The following SMAD2 variants were observed in gnomAD, a reference collection of about 807,000 sequenced individuals.
The protein encoded by SMAD2 is MAD homolog 2.
In SMAD2, 8 loss-of-function variants were observed where a neutral mutation model predicts 64.4. The ratio of observed to expected loss-of-function variants is 0.12; its 90% CI spans 0.07 to 0.22. SMAD2 has a LOEUF of 0.22. Ranked by LOEUF, SMAD2 falls within the 10% of genes least tolerant of loss-of-function variation. The pLI, the probability that SMAD2 is intolerant of heterozygous loss-of-function variation, is 1.00. For missense variants in SMAD2, 289 were observed against 561.2 expected (o/e 0.51, Z 4.90); for synonymous variants, 203 against 195.8 (o/e 1.04, Z -0.31).
At chr18:47,930,754 C>T (rs2034985127), upstream of SMAD2, 1 of 147,190 alleles carries the variant, frequency 6.8e-6, no homozygotes, top group Admixed American at 6.7e-5. Context: ...CCTCCGCTTC[C>T]GCCCTCCGCC....
At chr18:47,928,568 C>A (rs2034861235) in intron 1 of SMAD2, among the ~76,000 whole-genome samples, 1 of 152,112 alleles carries the variant, frequency 6.6e-6, no homozygotes, top group Admixed American at 6.5e-5. Flanking sequence ...AAACACATAC[C>A]AAGCCTGATA....
At position 47,834,931 on chromosome 18, in the gene SMAD2, A is replaced by C. The variant is rs1450055826; in HGVS notation, c.*6896T>G. ...GCTGGAGACACAGCCCTCCGATTAC[A>C]AAGGCCCAGAATGTTACTTTTAACT... On this transcript the variant is annotated 3_prime_UTR_variant, in exon 11 of 11. Coordinates refer to ENST00000262160, the MANE Select transcript of SMAD2 (RefSeq NM_005901.6). 4.5e-6 allele frequency: 1 copy of C among 223,180 alleles called. No homozygotes were observed. The highest frequency in any genetic ancestry group is 6.4e-5 in the East Asian group (1 of 15,508). The allele number at this position is 223,180 out of a possible 1,614,324, so 13.8% of individuals were successfully genotyped here. A position where few individuals can be genotyped will look rare whatever the true frequency, so the allele number is the denominator to read the frequency against.
Position 47,851,437 on chromosome 18 carries a change from T to C in SMAD2, c.731-110A>G, listed in dbSNP as rs1255208222. On this transcript the variant is annotated intron_variant, in intron 6 of 10. Coordinates refer to ENST00000262160, the MANE Select transcript of SMAD2 (RefSeq NM_005901.6). Reference sequence around the variant, plus strand: ...ATTATCAACAATAATACAAAGATAATTTAAATACCAAGAATTCAGAATATG... The same window carrying C: ...ATTATCAACAATAATACAAAGATAACTTAAATACCAAGAATTCAGAATATG... 12 of 674,616 alleles carry C rather than the reference T, an allele frequency of 1.8e-5. No individual in the cohort carries two copies. In the African/African-American group the frequency reaches 2.1e-4, roughly 12 times the overall value. 41.8% of individuals were successfully genotyped at this position (674,616 alleles called of 1,614,324 possible).
chr18:47,865,215 A>C (rs531320333), intron 5 of SMAD2, 82 bp from the exon 6 acceptor site: 26 of 748,618 alleles, frequency 3.5e-5, no homozygotes, highest in South Asian at 3.4e-4. Flanking sequence ...ATAACCAATG[A>C]ATCACTCCAA....
rs903567459 is a variant in SMAD2 at position 47,840,127 on chromosome 18, T to C, written c.*1700A>G. The C allele has an allele frequency of 3.9e-5, 9 of 233,004 alleles. No individual in the cohort carries two copies. The highest frequency in any genetic ancestry group is 6.8e-5 in the Non-Finnish European group (8 of 117,948). The allele number at this position is 233,004 out of a possible 1,614,324, so 14.4% of individuals were successfully genotyped here. On this transcript the variant is annotated 3_prime_UTR_variant, in exon 11 of 11. Coordinates refer to ENST00000262160, the MANE Select transcript of SMAD2 (RefSeq NM_005901.6). ...ACTATACCAAATTTACATGAACACA[T>C]ACATATACACACAAATATAGGAAAA... is the stretch of plus-strand genomic sequence containing the variant.
rs1439762573 is a variant in SMAD2, at chr18:47,831,930, A to G, written c.*9897T>C. The stretch of plus-strand genomic sequence containing the variant: ...TTAGGTTGGGCTTACTATTTTGATG[A>G]GAAGGGTGAATCTGTCAAAGGGTAA... On this transcript the variant is annotated 3_prime_UTR_variant, in exon 11 of 11. Coordinates refer to ENST00000262160, the MANE Select transcript of SMAD2 (RefSeq NM_005901.6). 1 of 151,854 alleles carries G rather than the reference A, an allele frequency of 6.6e-6. No individual in the cohort carries two copies. 9.4% of individuals were successfully genotyped at this position (151,854 alleles called of 1,614,324 possible).
chr18:47,862,014 T>C (rs1387606107), intron 6 of SMAD2, among the ~76,000 whole-genome samples: 1 of 152,228 alleles, frequency 6.6e-6, no homozygotes, highest in African/African-American at 2.4e-5. Context: ...AGAGTCTCAC[T>C]ATGCTATTTT....
intron 1 of SMAD2, among the ~76,000 whole-genome samples, chr18:47,904,560 A>G (rs2033827669): frequency 6.6e-6 from 1 of 152,128 alleles, no homozygotes; most frequent in Non-Finnish European, 1.5e-5. Flanking sequence ...AGGGACAACA[A>G]GCCGGCTTGG....
intron 1 of SMAD2, among the ~76,000 whole-genome samples, chr18:47,919,114 C>CA (rs1470674843): frequency 6.6e-6 from 1 of 151,968 alleles, no homozygotes; most frequent in Non-Finnish European, 1.5e-5. Context: ...ATATAGAAAA[C>CA]AATCAAAATG....
rs5824709 is a variant in SMAD2, at chr18:47,839,025, CAA to C, written c.*2800_*2801del. ...TATAAATGGGGGGAGGGGCAGAAAACAAAAAAAAAATCAGGCCACAGTAGATA... is the reference window on the plus strand; with the variant it reads ...TATAAATGGGGGGAGGGGCAGAAAACAAAAAAAATCAGGCCACAGTAGATA... On this transcript the variant is annotated 3_prime_UTR_variant, in exon 11 of 11. Transcript: ENST00000262160. The C allele has an allele frequency of 1.3e-4, 29 of 227,792 alleles. No homozygotes were observed. The highest frequency in any genetic ancestry group is 3.8e-4 in the African/African-American group (17 of 44,642). The allele number at this position is 227,792 out of a possible 1,614,324, so 14.1% of individuals were successfully genotyped here.
chr18:47,899,226 A>G (rs75575295), intron 1 of SMAD2, among the ~76,000 whole-genome samples: 3,249 of 152,258 alleles, frequency 0.021, 36 homozygotes, highest in Non-Finnish European at 0.032. Flanking sequence ...TTTGGGGAAC[A>G]TAAGTGTTGT....
chr18:47,865,294 A>G (rs570939107), intron 5 of SMAD2, among the ~76,000 whole-genome samples, 161 bp from the exon 6 acceptor site: 56 of 152,306 alleles, frequency 3.7e-4, no homozygotes, highest in Non-Finnish European at 7.2e-4. Flanking sequence ...ATAATTCAGG[A>G]TCTTGTCCAA....
chr18:47,853,921 C>T (rs1787193), intron 6 of SMAD2, among the ~76,000 whole-genome samples: 87,000 of 151,866 alleles, frequency 0.57, 25,296 homozygotes, highest in East Asian at 0.82. Flanking sequence ...AACTGCCCAA[C>T]TATTCATATC....
At chr18:47,924,805 A>C (rs553970008) in intron 1 of SMAD2, among the ~76,000 whole-genome samples, 272 of 152,346 alleles carry the variant, frequency 1.8e-3, no homozygotes, top group Non-Finnish European at 3.3e-3. Context: ...ATGAGGATGG[A>C]ACGTTTCCTT....
At chr18:47,896,989 C>A (rs1217860922) in intron 1 of SMAD2, among the ~76,000 whole-genome samples, 180 bp from the exon 2 acceptor site, 2 of 152,118 alleles carry the variant, frequency 1.3e-5, no homozygotes, top group African/African-American at 4.8e-5. Context: ...TGGAAACAAA[C>A]CCTTCTAAAA....
intron 2 of SMAD2, among the ~76,000 whole-genome samples, chr18:47,874,738 A>G (rs989424020): frequency 2.6e-5 from 4 of 152,114 alleles, no homozygotes; most frequent in Non-Finnish European, 5.9e-5. Context: ...ATATATGCAT[A>G]AAGACACACA....
At chr18:47,854,725 T>C (rs1367297387) in intron 6 of SMAD2, among the ~76,000 whole-genome samples, 1 of 152,090 alleles carries the variant, frequency 6.6e-6, no homozygotes, top group Admixed American at 6.6e-5. Context: ...TTAGAGTAGT[T>C]TCAAGATCAC....
At chr18:47,924,352 T>C (rs953832928) in intron 1 of SMAD2, among the ~76,000 whole-genome samples, 4 of 151,916 alleles carry the variant, frequency 2.6e-5, no homozygotes, top group Admixed American at 1.3e-4. Context: ...GTTTCAATAG[T>C]TCACTCAAGT....
At chr18:47,922,906 T>C (rs1413275152) in intron 1 of SMAD2, among the ~76,000 whole-genome samples, 2 of 152,350 alleles carry the variant, frequency 1.3e-5, no homozygotes, top group East Asian at 3.9e-4. Context: ...TGATGGGTCA[T>C]GTCTTTTAAA....
Sources: allele counts gnomAD v4.1 joint callset (sites outside exome capture counted in the v4.1 genomes callset), GRCh38; gene constraint gnomAD v4.1.1; transcripts MANE v1.5; gene names NCBI Gene and HGNC (gene_info 2026-07-23, HGNC 2026-07-21).